The following KIF1B variants were observed in gnomAD, a reference collection of about 807,000 sequenced individuals.
The protein encoded by KIF1B is kinesin family member 1B.
A neutral mutation model predicts 241.9 loss-of-function variants in KIF1B; 76 were observed. The ratio of observed to expected loss-of-function variants is 0.31; its 90% CI spans 0.26 to 0.38. KIF1B has a LOEUF of 0.38. Among genes scored for constraint, KIF1B ranks in the 10% least tolerant of loss-of-function variants. The pLI is 1.00. For synonymous variants in KIF1B, 750 were observed against 796.7 expected, an observed-to-expected ratio of 0.94 and a Z score of 0.99; for missense variants, 1,622 against 2,271.4, an observed-to-expected ratio of 0.71 and a Z score of 5.81.
In KIF1B at chr1:10,215,245, C is replaced by T. The variant is rs1486975990; in HGVS notation, c.-80+4367C>T. On this transcript the variant is annotated intron_variant, in intron 1 of 48. Transcript: ENST00000676179. ...AGGCTGGAGTGCAACGGCGCGATCT[C>T]GGCTCACCGTAACCTCCACCTCCCA... Among the ~76,000 whole-genome samples the T allele has an allele frequency of 5.3e-5, 7 of 132,298 alleles. No homozygotes were observed. The East Asian group carries it at 6.9e-4, about 13-fold the overall frequency. The allele number at this position is 132,298 out of a possible 152,430, so 86.8% of individuals were successfully genotyped here. A position where few individuals can be genotyped will look rare whatever the true frequency, so the allele number is the denominator to read the frequency against.
chr1:10,355,705 GTTTTCTGT>G (rs1172744453), intron 38 of KIF1B, among the ~76,000 whole-genome samples: 1 of 151,888 alleles, frequency 6.6e-6, no homozygotes, highest in Non-Finnish European at 1.5e-5. Context: ...CTCAGGTTTT[GTTTTCTGT>G]TTTCCTCTTT....
chr1:10,327,071 C>T (rs1569832827), intron 27 of KIF1B, among the ~76,000 whole-genome samples: 2 of 152,216 alleles, frequency 1.3e-5, no homozygotes, highest in Non-Finnish European at 2.9e-5. Context: ...TGGCCAGGCA[C>T]GGTGGCTCAC....
chr1:10,366,431 A>C (rs1557740468), intron 43 of KIF1B, among the ~76,000 whole-genome samples: 1 of 151,834 alleles, frequency 6.6e-6, no homozygotes, highest in Non-Finnish European at 1.5e-5. Context: ...CTGCGTGATC[A>C]GGAGGGAGGC....
intron 15 of KIF1B, among the ~76,000 whole-genome samples, chr1:10,283,206 CAAAAAAAA>C (rs33994771): frequency 4.9e-5 from 3 of 61,572 alleles, no homozygotes; most frequent in African/African-American, 1.1e-4. Context: ...GACTCCGTCT[CAAAAAAAA>C]AAAAAAAAAA....
chr1:10,351,972 CA>C (rs35296006), intron 37 of KIF1B, among the ~76,000 whole-genome samples: 50,635 of 145,426 alleles, frequency 0.35, 8,680 homozygotes, highest in Admixed American at 0.39. Context: ...GACATTGTTT[CA>C]AAAAAAAAAA....
At chr1:10,242,969 CCAGAAAA>C (rs1282934899) in intron 2 of KIF1B, among the ~76,000 whole-genome samples, 4 of 152,106 alleles carry the variant, frequency 2.6e-5, no homozygotes, top group African/African-American at 4.8e-5. Context: ...TTTTGGCTTA[CCAGAAAA>C]CTGTGGGGCC....
intron 10 of KIF1B, 55 bp from the exon 11 acceptor site, chr1:10,275,373 T>G: frequency 1.1e-6 from 1 of 936,738 alleles, no homozygotes; most frequent in Non-Finnish European, 1.8e-6. Context: ...TTGCCTTTCT[T>G]GGGAATTTTT....
In KIF1B at chr1:10,334,649, C is replaced by T. The variant is rs1266549155; in HGVS notation, c.3043+11C>T. ...TACAGGCCATCGCAGGTAGGTGACC[C>T]TCTTCTGAAATGAGAGCTGTGAGTT... On this transcript the variant is annotated intron_variant, in intron 28 of 48. Coordinates refer to ENST00000676179, the MANE Select transcript of KIF1B (RefSeq NM_001365951.3). 1.3e-6 allele frequency: 2 copies of T among 1,598,486 alleles called. No individual in the cohort carries two copies. The highest frequency in any genetic ancestry group is 3.3e-5 in the Admixed American group (2 of 59,964).
chr1:10,347,408 T>C (rs571469609), intron 35 of KIF1B, among the ~76,000 whole-genome samples: 28 of 152,358 alleles, frequency 1.8e-4, no homozygotes, highest in African/African-American at 6.5e-4. Context: ...ACAGTAATTG[T>C]TTCTACTGAA....
chr1:10,326,062 T>C lies in KIF1B; in HGVS notation c.2676-49T>C. ...ACCTATTGCTTCCTGTTTAACCAAC[T>C]ATTCCTCTCTCCCTGGCTGTGTTAA... On this transcript the variant is annotated intron_variant, in intron 26 of 48. Transcript: ENST00000676179. The surrounding 1 kb of genome is among the most constrained non-coding windows in gnomAD (Gnocchi z 5.2). 6.2e-7 allele frequency: 1 copy of C among 1,611,842 alleles called. No individual in the cohort carries two copies. The highest frequency in any genetic ancestry group is 1.3e-5 in the African/African-American group (1 of 75,030).
intron 3 of KIF1B, among the ~76,000 whole-genome samples, chr1:10,257,002 G>A (rs1237932654): frequency 1.3e-5 from 2 of 152,062 alleles, no homozygotes; most frequent in African/African-American, 4.8e-5. Flanking sequence ...GTGAGCCACT[G>A]TGCCTGGCTG....
intron 14 of KIF1B, among the ~76,000 whole-genome samples, chr1:10,281,115 T>TA (rs1217813495): frequency 2.0e-5 from 3 of 152,156 alleles, no homozygotes; most frequent in Non-Finnish European, 4.4e-5. Flanking sequence ...TTAAGGGAGT[T>TA]AAAAAACTGG....
intron 26 of KIF1B, among the ~76,000 whole-genome samples, chr1:10,325,641 T>C (rs556317152): frequency 2.6e-5 from 4 of 152,350 alleles, no homozygotes; most frequent in African/African-American, 9.6e-5. Context: ...AAGAGATGAA[T>C]TGGCCAAACA....
intron 27 of KIF1B, among the ~76,000 whole-genome samples, chr1:10,334,207 C>T (rs1277127502): frequency 1.3e-5 from 2 of 151,410 alleles, no homozygotes; most frequent in Admixed American, 6.6e-5. Context: ...CCAACCTGCC[C>T]GAGCAGCATT....
At chr1:10,250,026 G>A (rs1272914772) in intron 2 of KIF1B, among the ~76,000 whole-genome samples, 2 of 152,146 alleles carry the variant, frequency 1.3e-5, no homozygotes, top group African/African-American at 4.8e-5. Context: ...GCCCAGGCTA[G>A]TCTCGAACGC....
intron 41 of KIF1B, among the ~76,000 whole-genome samples, chr1:10,364,194 C>T (rs11121548): frequency 0.14 from 20,215 of 145,044 alleles, 1,495 homozygotes; most frequent in South Asian, 0.19. Flanking sequence ...TTTTTAGGGA[C>T]AGGATCTTTT....
At chr1:10,230,138 G>A (rs1646961880) in intron 1 of KIF1B, among the ~76,000 whole-genome samples, 1 of 152,118 alleles carries the variant, frequency 6.6e-6, no homozygotes, top group South Asian at 2.1e-4. Flanking sequence ...TTGTGCCACT[G>A]TACAGTAGCC....
rs534838361 is a variant in KIF1B at position 10,304,973 on chromosome 1, G to A, written c.2115+7727G>A. 1.1e-5 allele frequency: 13 copies of A among 1,153,290 alleles called. 1 individual carries two copies. In the South Asian group the frequency reaches 3.4e-4, roughly 30 times the overall value. 71.4% of individuals were successfully genotyped at this position (1,153,290 alleles called of 1,614,324 possible). On this transcript the variant is annotated intron_variant, in intron 22 of 48. Coordinates refer to ENST00000676179, the MANE Select transcript of KIF1B (RefSeq NM_001365951.3). ...TGTAAGTTTGTTATGTTTTTATAAT[G>A]CCTATAAATTAATCTGACATCCAGA...
chr1:10,336,997 A>G, intron 29 of KIF1B, 77 bp from the exon 30 acceptor site: 4 of 1,583,722 alleles, frequency 2.5e-6, no homozygotes, highest in Non-Finnish European at 3.5e-6. Context: ...TTGGACAGAT[A>G]AACAGAAGTA....
Sources: allele counts gnomAD v4.1 joint callset (sites outside exome capture counted in the v4.1 genomes callset), GRCh38; gene constraint gnomAD v4.1.1; non-coding constraint Gnocchi (gnomAD v3.1); transcripts MANE v1.5; gene names NCBI Gene and HGNC (gene_info 2026-07-23, HGNC 2026-07-21).